Variants in MYO1D observed in about 807,000 individuals in gnomAD.
The protein encoded by MYO1D is unconventional myosin-Id.
Under a neutral mutation model 122.0 loss-of-function variants are expected in MYO1D, and 83 were observed. That is an observed-to-expected ratio of 0.68 (90% CI 0.57 to 0.82). MYO1D has a LOEUF of 0.82. Among genes scored for constraint, MYO1D ranks in the 40% least tolerant of loss-of-function variants. The pLI is 0.00. For synonymous variants in MYO1D, 464 were observed against 446.9 expected, an observed-to-expected ratio of 1.04 and a Z score of -0.48; for missense variants, 1,157 against 1,269.5, an observed-to-expected ratio of 0.91 and a Z score of 1.35.
intron 16 of MYO1D, among the ~76,000 whole-genome samples, chr17:32,671,073 G>C (rs1189180421): frequency 1.3e-5 from 2 of 152,238 alleles, no homozygotes; most frequent in East Asian, 1.9e-4. Flanking sequence ...TGGGGCAAAA[G>C]GCTGATGGAG....
At position 32,767,743 on chromosome 17, in the gene MYO1D, T is replaced by G. The variant is rs186742471; in HGVS notation, c.724A>C (p.Asn242His). 535 of 1,611,046 alleles carry G rather than the reference T, an allele frequency of 3.3e-4. 10 individuals carry two copies. In the East Asian group the frequency reaches 0.012, roughly 35 times the overall value. ...HVGAQLKSSINDAAEFRVVAD... is the reference protein window; with the variant it reads ...HVGAQLKSSIHDAAEFRVVAD... Reference sequence around the variant, plus strand: ...ACAACTCTGAATTCGGCAGCATCATTGATAGAAGACTGGGGATGAAAATGA... The same window carrying G: ...ACAACTCTGAATTCGGCAGCATCATGGATAGAAGACTGGGGATGAAAATGA... The change falls in exon 7 of 22, where the codon AAT becomes CAT. Residue 242 changes from asparagine (N) to histidine (H), a missense_variant. Physicochemically the swap from Asn to His is moderately conservative, Grantham distance 68. Coordinates refer to ENST00000318217, the MANE Select transcript of MYO1D (RefSeq NM_015194.3).
At chr17:32,846,701 C>A (rs1194261107) in intron 1 of MYO1D, among the ~76,000 whole-genome samples, 2 of 152,188 alleles carry the variant, frequency 1.3e-5, no homozygotes, top group East Asian at 3.9e-4. Context: ...AGGTCAGGCA[C>A]AGGAGTGATA....
In MYO1D at chr17:32,767,697, A is replaced by G. The variant is rs1303092273; in HGVS notation, c.770T>C (p.Ile257Thr). ...FRVVADAMKVIGFKPEEIQTV... is the reference protein window; with the variant it reads ...FRVVADAMKVTGFKPEEIQTV... ...TTGGATCTCCTCAGGTTTGAAGCCA[A>G]TGACTTTCATGGCATCAGCAACAAC... The change falls in exon 7 of 22, where the codon ATT becomes ACT. Residue 257 changes from isoleucine to threonine, a missense_variant. Ile to Thr is a moderately conservative substitution (Grantham distance 89, BLOSUM62 -1). Coordinates refer to ENST00000318217, the MANE Select transcript of MYO1D (RefSeq NM_015194.3). The G allele has an allele frequency of 3.1e-6, 5 of 1,614,006 alleles. No individual in the cohort carries two copies. The South Asian group carries it at 3.3e-5, about 11-fold the overall frequency.
intron 1 of MYO1D, among the ~76,000 whole-genome samples, chr17:32,864,543 C>T (rs979559384): frequency 1.2e-3 from 72 of 60,778 alleles, no homozygotes; most frequent in Non-Finnish European, 1.8e-3. Context: ...CTGAGTTCTA[C>T]GAATGAAAAA....
intron 1 of MYO1D, among the ~76,000 whole-genome samples, chr17:32,862,305 G>C (rs1165189590): frequency 6.6e-6 from 1 of 152,140 alleles, no homozygotes; most frequent in Non-Finnish European, 1.5e-5. Flanking sequence ...TCCCCTTGCT[G>C]GTTTATCAGT....
chr17:32,682,792 G>C (rs1018449314), intron 16 of MYO1D, among the ~76,000 whole-genome samples: 1 of 119,538 alleles, frequency 8.4e-6, no homozygotes, highest in African/African-American at 3.5e-5. Context: ...CTGAACGTTG[G>C]CCTGCCTTGC....
intron 16 of MYO1D, among the ~76,000 whole-genome samples, chr17:32,664,666 G>C (rs574037179): frequency 1.3e-5 from 2 of 152,158 alleles, no homozygotes; most frequent in African/African-American, 4.8e-5. Context: ...ACTGACAGAG[G>C]AGCAAGCAAG....
intron 1 of MYO1D, among the ~76,000 whole-genome samples, chr17:32,831,437 T>C (rs2090770729): frequency 1.3e-5 from 2 of 152,194 alleles, no homozygotes; most frequent in South Asian, 2.1e-4. Context: ...TTTGTGAACA[T>C]TGCTTAGGAA....
intron 1 of MYO1D, among the ~76,000 whole-genome samples, chr17:32,789,157 T>C (rs2090326615): frequency 6.6e-6 from 1 of 152,166 alleles, no homozygotes; most frequent in Non-Finnish European, 1.5e-5. Context: ...ATCTAGGAGC[T>C]TTTTTGATAA....
At chr17:32,701,008 A>T (rs2089241949) in intron 16 of MYO1D, among the ~76,000 whole-genome samples, 2 of 151,834 alleles carry the variant, frequency 1.3e-5, no homozygotes, top group South Asian at 4.1e-4. Context: ...TTTTTTGAGG[A>T]AAAAATAATA....
intron 16 of MYO1D, among the ~76,000 whole-genome samples, chr17:32,695,604 T>C (rs1406779199): frequency 1.3e-5 from 2 of 152,174 alleles, no homozygotes; most frequent in Non-Finnish European, 2.9e-5. Context: ...TAACTTGATA[T>C]CCCTACTGCT....
chr17:32,654,627 A>G lies in MYO1D; in HGVS notation c.2346-6T>C. On this transcript the variant is annotated splice_polypyrimidine_tract_variant and splice_region_variant and intron_variant, in intron 17 of 21. Transcript: ENST00000318217. ...TGAGCTGGGATGCTCTCCATCTACA[A>G]GTAAATAGACAACATGTATTAGACT... 1 of 1,597,552 alleles carries G rather than the reference A, an allele frequency of 6.3e-7. No individual in the cohort carries two copies. Among genetic ancestry groups the G allele is most frequent in the Non-Finnish European group, 8.5e-7 (1 of 1,172,832 alleles).
At chr17:32,555,486 C>A (rs372823477) in intron 21 of MYO1D, among the ~76,000 whole-genome samples, 1 of 151,898 alleles carries the variant, frequency 6.6e-6, no homozygotes, top group Non-Finnish European at 1.5e-5. Flanking sequence ...TCTAAAATTT[C>A]TACAAATAGA....
intron 16 of MYO1D, among the ~76,000 whole-genome samples, chr17:32,694,304 T>C (rs1305308698): frequency 6.6e-6 from 1 of 152,086 alleles, no homozygotes; most frequent in Admixed American, 6.5e-5. Flanking sequence ...GACCCAACTT[T>C]AACATGCCGG....
At chr17:32,793,439 G>T (rs920385338) in intron 1 of MYO1D, among the ~76,000 whole-genome samples, 4 of 152,040 alleles carry the variant, frequency 2.6e-5, no homozygotes, top group African/African-American at 4.8e-5. Flanking sequence ...CTTAGAGAAG[G>T]ATACCTAAAC....
chr17:32,654,570 C>CCCCA lies in MYO1D; in HGVS notation c.2396_2397insTGGG (p.Gln799HisfsTer19), dbSNP rs1567932017. On this transcript the variant is annotated frameshift_variant, in exon 18 of 22. Coordinates refer to ENST00000318217, the MANE Select transcript of MYO1D (RefSeq NM_015194.3). LOFTEE classifies it high-confidence loss of function. ...CCACGGCTGCAACCTTTGCCCTGAC[C>CCCCA]TGGGGCAGGTCTGAGGCCGGAATGC... is the stretch of plus-strand genomic sequence containing the variant. 6.8e-6 allele frequency: 11 copies of CCCCA among 1,613,802 alleles called. No homozygotes were observed. Among genetic ancestry groups the CCCCA allele is most frequent in the Non-Finnish European group, 8.5e-6 (10 of 1,179,922 alleles).
At chr17:32,504,763 C>T (rs1909437993) in intron 21 of MYO1D, 2 of 152,276 alleles carry the variant, frequency 1.3e-5, no homozygotes, top group African/African-American at 4.8e-5. Context: ...CTAGACAAAT[C>T]CCCGGAATGC....
At chr17:32,647,378 T>C (rs1395440797) in intron 19 of MYO1D, among the ~76,000 whole-genome samples, 1 of 152,252 alleles carries the variant, frequency 6.6e-6, no homozygotes, top group African/African-American at 2.4e-5. Flanking sequence ...AAAGAGTATT[T>C]TGCTTTGAAC....
At chr17:32,688,856 C>T (rs748923991) in intron 16 of MYO1D, among the ~76,000 whole-genome samples, 6 of 151,964 alleles carry the variant, frequency 3.9e-5, no homozygotes, top group Non-Finnish European at 8.8e-5. Flanking sequence ...ACCATCACCA[C>T]GGTTCTGCTG....
Sources: gnomAD v4.1 joint callset for allele counts (sites outside exome capture counted in the v4.1 genomes callset) on GRCh38, gnomAD v4.1.1 for gene constraint, MANE v1.5 for transcripts, NCBI Gene and HGNC (gene_info 2026-07-23, HGNC 2026-07-21) for gene names.